The following SH3RF3 variants were observed in gnomAD, a reference collection of about 807,000 sequenced individuals.
SH3RF3 encodes the protein E3 ubiquitin-protein ligase SH3RF3.
Under a neutral mutation model 66.3 loss-of-function variants are expected in SH3RF3, and 29 were observed. The ratio of observed to expected loss-of-function variants is 0.44; its 90% confidence interval spans 0.33 to 0.60. The LOEUF (loss-of-function observed/expected upper bound fraction) is 0.60, where lower values mean the gene tolerates loss of function less well. Ranked by LOEUF, SH3RF3 falls within the 20% of genes least tolerant of loss-of-function variation. The pLI is 0.04. For synonymous variants in SH3RF3, 583 were observed against 532.0 expected (o/e 1.10, Z -1.32); for missense variants, 1,194 against 1,190.9 (o/e 1.00, Z -0.04).
intron 1 of SH3RF3, among the ~76,000 whole-genome samples, chr2:109,200,497 G>A (rs928605230): frequency 1.3e-5 from 2 of 152,090 alleles, no homozygotes; most frequent in Non-Finnish European, 2.9e-5. Context: ...GTCCTGCTCA[G>A]TCGGCGGGTC....
intron 2 of SH3RF3, among the ~76,000 whole-genome samples, chr2:109,353,380 C>T (rs1682879967): frequency 6.6e-6 from 1 of 152,228 alleles, no homozygotes; most frequent in Non-Finnish European, 1.5e-5. Flanking sequence ...CTACCCTCTC[C>T]CGCTGTGGGA....
rs116709868 is a variant in SH3RF3, at chr2:109,430,764, G to A, written c.1404-1737G>A. Reference sequence around the variant, plus strand: ...GAAACTGTGAACGTGGTGGGGTGGCGGGGTCCTCTCCTGATGATTTTGTGT... The same window carrying A: ...GAAACTGTGAACGTGGTGGGGTGGCAGGGTCCTCTCCTGATGATTTTGTGT... On this transcript the variant is annotated intron_variant, in intron 5 of 9. Coordinates refer to ENST00000309415, the MANE Select transcript of SH3RF3 (RefSeq NM_001099289.3). Among the ~76,000 whole-genome samples, 824 of 152,184 alleles carry A rather than the reference G, an allele frequency of 5.4e-3. 8 individuals carry two copies. Among genetic ancestry groups the A allele is most frequent in the Non-Finnish European group, 6.6e-3 (452 of 68,004 alleles).
At chr2:109,353,415 C>T (rs556191530) in intron 2 of SH3RF3, among the ~76,000 whole-genome samples, 8 of 152,364 alleles carry the variant, frequency 5.3e-5, no homozygotes, top group Non-Finnish European at 8.8e-5. Context: ...CTGAGACTCC[C>T]TGTCCACACC....
intron 1 of SH3RF3, among the ~76,000 whole-genome samples, chr2:109,305,111 G>C (rs1278429009): frequency 3.9e-5 from 6 of 152,176 alleles, no homozygotes; most frequent in Non-Finnish European, 7.4e-5. Context: ...AGAGACTTCT[G>C]ATTATTCTGA....
intron 1 of SH3RF3, among the ~76,000 whole-genome samples, chr2:109,241,965 A>G (rs373953538): frequency 5.3e-5 from 8 of 151,578 alleles, no homozygotes; most frequent in East Asian, 2.0e-4. Flanking sequence ...TGCTGCTTTC[A>G]TGGTGGTTTT....
At chr2:109,162,879 CA>C (rs11404752) in intron 1 of SH3RF3, among the ~76,000 whole-genome samples, 1 of 151,890 alleles carries the variant, frequency 6.6e-6, no homozygotes, top group Non-Finnish European at 1.5e-5. Context: ...AGATGATTAC[CA>C]AAAAAACCAC....
At chr2:109,323,454 T>G (rs1288851760) in intron 1 of SH3RF3, among the ~76,000 whole-genome samples, 1 of 152,170 alleles carries the variant, frequency 6.6e-6, no homozygotes, top group Non-Finnish European at 1.5e-5. Context: ...TTCAGTGAGA[T>G]TTAGAAAAAC....
intron 4 of SH3RF3, among the ~76,000 whole-genome samples, chr2:109,400,098 A>C (rs1265236365): frequency 6.6e-6 from 1 of 152,204 alleles, no homozygotes; most frequent in Non-Finnish European, 1.5e-5. Flanking sequence ...TCAAAATCAC[A>C]ATGAACTCAG....
chr2:109,360,757 C>T (rs1683036645), intron 2 of SH3RF3, among the ~76,000 whole-genome samples: 1 of 152,222 alleles, frequency 6.6e-6, no homozygotes, highest in African/African-American at 2.4e-5. Context: ...ATCATGTCAT[C>T]TGTAAACAAA....
intron 2 of SH3RF3, among the ~76,000 whole-genome samples, chr2:109,365,385 G>A (rs1683135545): frequency 6.6e-6 from 1 of 152,160 alleles, no homozygotes; most frequent in Non-Finnish European, 1.5e-5. Flanking sequence ...TGCTTCCCAC[G>A]GAGGCTGCTG....
intron 1 of SH3RF3, among the ~76,000 whole-genome samples, chr2:109,212,939 A>G (rs1334241059): frequency 6.6e-6 from 1 of 152,184 alleles, no homozygotes; most frequent in African/African-American, 2.4e-5. Context: ...TGATTGGAAT[A>G]TAGTGGATGA....
chr2:109,445,870 C>T (rs1029219061), intron 7 of SH3RF3, among the ~76,000 whole-genome samples: 7 of 152,024 alleles, frequency 4.6e-5, no homozygotes, highest in Non-Finnish European at 1.5e-5. Flanking sequence ...TATTCATTCC[C>T]CTATCATTTA....
intron 1 of SH3RF3, among the ~76,000 whole-genome samples, chr2:109,290,036 A>G (rs1224250175): frequency 6.6e-6 from 1 of 152,214 alleles, no homozygotes; most frequent in Non-Finnish European, 1.5e-5. Context: ...TTCTATAGGT[A>G]CAGGGGGATG....
chr2:109,384,154 CG>C (rs1400670802), intron 3 of SH3RF3, among the ~76,000 whole-genome samples: 1 of 152,218 alleles, frequency 6.6e-6, no homozygotes, highest in Admixed American at 6.5e-5. Flanking sequence ...CCTTCCAGGC[CG>C]CCTGGGGTCC....
At chr2:109,483,187 C>T (rs1678879443) in intron 8 of SH3RF3, among the ~76,000 whole-genome samples, 1 of 152,230 alleles carries the variant, frequency 6.6e-6, no homozygotes, top group African/African-American at 2.4e-5. Context: ...CTTTTAATTA[C>T]CTTTTCCCCA....
At chr2:109,451,852 G>A (rs1021819881) in intron 8 of SH3RF3, among the ~76,000 whole-genome samples, 4 of 152,240 alleles carry the variant, frequency 2.6e-5, no homozygotes, top group South Asian at 2.1e-4. Flanking sequence ...GCAGAAGTGC[G>A]TAGGCCACGC....
chr2:109,181,593 G>A (rs1178446274), intron 1 of SH3RF3, among the ~76,000 whole-genome samples: 1 of 152,136 alleles, frequency 6.6e-6, no homozygotes, highest in Admixed American at 6.5e-5. Context: ...TTTATTAAAA[G>A]TTATGTTTTT....
chr2:109,385,795 A>G (rs891187009), intron 3 of SH3RF3, among the ~76,000 whole-genome samples: 5 of 152,252 alleles, frequency 3.3e-5, no homozygotes, highest in Non-Finnish European at 1.5e-5. Context: ...GGACTGAGGT[A>G]GGACCTGGCA....
intron 9 of SH3RF3, among the ~76,000 whole-genome samples, chr2:109,491,516 G>T (rs1241723694): frequency 6.6e-6 from 1 of 152,106 alleles, no homozygotes; most frequent in African/African-American, 2.4e-5. Context: ...ACATAGTTCA[G>T]CCTAGGTTTT....
Sources: gnomAD v4.1 joint callset for allele counts (sites outside exome capture counted in the v4.1 genomes callset) on GRCh38, gnomAD v4.1.1 for gene constraint, MANE v1.5 for transcripts, NCBI Gene and HGNC (gene_info 2026-07-23, HGNC 2026-07-21) for gene names.